Variants in ANK2 observed in about 807,000 individuals in gnomAD.
ANK2 encodes ankyrin-2.
A neutral mutation model predicts 360.5 loss-of-function variants in ANK2; 83 were observed. The observed-to-expected ratio is 0.23, with a 90% CI of 0.19 to 0.28. ANK2 has a LOEUF of 0.28. Ranked by LOEUF, ANK2 falls within the 10% of genes least tolerant of loss-of-function variation. The pLI is 1.00. For missense variants in ANK2, 4,201 were observed against 4,795.7 expected, an observed-to-expected ratio of 0.88 and a Z score of 3.66; for synonymous variants, 1,740 against 1,759.5, an observed-to-expected ratio of 0.99 and a Z score of 0.28.
chr4:113,106,834 C>T (rs747936203), intron 1 of ANK2: 3 of 519,038 alleles, frequency 5.8e-6, no homozygotes, highest in Non-Finnish European at 1.2e-5. Flanking sequence ...TTATTTTATT[C>T]CTGTAACTGG....
intron 29 of ANK2, among the ~76,000 whole-genome samples, chr4:113,335,404 C>T (rs2093386900): frequency 6.6e-6 from 1 of 152,156 alleles, no homozygotes. Flanking sequence ...TATGTTACTT[C>T]TTAAAACCAC....
the ANK2 span, among the ~76,000 whole-genome samples, chr4:112,790,755 G>C: frequency 6.6e-6 from 1 of 152,104 alleles, no homozygotes; most frequent in Non-Finnish European, 1.5e-5. Flanking sequence ...CCAAAGTGCT[G>C]GGATTACAGG....
chr4:112,975,779 A>G (rs750550892), intron 2 of ANK2, among the ~76,000 whole-genome samples: 3 of 152,200 alleles, frequency 2.0e-5, no homozygotes, highest in Non-Finnish European at 2.9e-5. Context: ...CCTCTGTATT[A>G]TGATGATCAG....
At chr4:113,079,134 G>T (rs2081300016) in intron 1 of ANK2, among the ~76,000 whole-genome samples, 1 of 152,234 alleles carries the variant, frequency 6.6e-6, no homozygotes, top group South Asian at 2.1e-4. Flanking sequence ...ATGTGACCTT[G>T]TCCATATATT....
At position 113,158,560 on chromosome 4, in the gene ANK2, G is replaced by A. The variant is rs140178682; in HGVS notation, c.85-15856G>A. 5.6e-3 allele frequency among the ~76,000 whole-genome samples: 846 copies of A among 152,284 alleles called. 7 individuals are homozygous for A. Among genetic ancestry groups the A allele is most frequent in the Non-Finnish European group, 9.7e-3 (660 of 68,028 alleles). On this transcript the variant is annotated intron_variant, in intron 1 of 45. Coordinates refer to ENST00000357077, the MANE Select transcript of ANK2 (RefSeq NM_001148.6). ...TCCAGCTGAAGGCAACTCTATCTTG[G>A]TGGAATGCCACAGGGTTTTAAGGTA...
the ANK2 span, among the ~76,000 whole-genome samples, chr4:112,761,499 A>C: frequency 6.6e-6 from 1 of 152,176 alleles, no homozygotes; most frequent in African/African-American, 2.4e-5. Context: ...ACGCGCCTGC[A>C]GTCCCAGCTG....
chr4:112,842,315 T>G (rs777696259), intron 1 of ANK2, among the ~76,000 whole-genome samples: 1 of 152,188 alleles, frequency 6.6e-6, no homozygotes, highest in Non-Finnish European at 1.5e-5. Context: ...CGGCCCAAAT[T>G]ATTTTCAATG....
chr4:112,776,141 G>T, the ANK2 span, among the ~76,000 whole-genome samples: 1 of 152,224 alleles, frequency 6.6e-6, no homozygotes, highest in East Asian at 1.9e-4. Flanking sequence ...AGTAGTGAGG[G>T]ATACTGTAAG....
intron 14 of ANK2, among the ~76,000 whole-genome samples, chr4:113,269,803 T>C (rs1206423953): frequency 2.0e-5 from 3 of 152,254 alleles, no homozygotes; most frequent in Admixed American, 1.3e-4. Flanking sequence ...AACTCCTTTC[T>C]AGACTTTCTT....
intron 1 of ANK2, among the ~76,000 whole-genome samples, chr4:113,053,697 G>A (rs914041369): frequency 6.6e-6 from 1 of 152,096 alleles, no homozygotes; most frequent in Non-Finnish European, 1.5e-5. Flanking sequence ...TGGCTCAAGC[G>A]ATCTTCCTGC....
chr4:113,167,064 T>C (rs960331326), intron 1 of ANK2, among the ~76,000 whole-genome samples: 1 of 152,202 alleles, frequency 6.6e-6, no homozygotes, highest in Non-Finnish European at 1.5e-5. Flanking sequence ...ACCATAAATA[T>C]ACAATACAAA....
chr4:113,308,364 A>G (rs942982578), intron 23 of ANK2, among the ~76,000 whole-genome samples: 5 of 152,232 alleles, frequency 3.3e-5, no homozygotes, highest in African/African-American at 1.2e-4. Flanking sequence ...TGAGATGCTT[A>G]TAGAAAATTT....
chr4:112,829,216 T>G (rs2059130142), intron 1 of ANK2, among the ~76,000 whole-genome samples: 1 of 151,996 alleles, frequency 6.6e-6, no homozygotes, highest in Non-Finnish European at 1.5e-5. Context: ...AATCCAATGT[T>G]TGTTTGTTGG....
At chr4:112,768,316 C>T in the ANK2 span, among the ~76,000 whole-genome samples, 1 of 151,996 alleles carries the variant, frequency 6.6e-6, no homozygotes, top group Non-Finnish European at 1.5e-5. Context: ...TGCAGTGGCA[C>T]TATCTTGGCT....
intron 42 of ANK2, among the ~76,000 whole-genome samples, chr4:113,368,968 T>G (rs917533503): frequency 6.6e-6 from 1 of 152,238 alleles, no homozygotes; most frequent in African/African-American, 2.4e-5. Context: ...AAAGTTACAT[T>G]GGAGTAACTC....
In ANK2 at chr4:113,054,060, C is replaced by T. The variant is rs374415285; in HGVS notation, c.84+4248C>T. ...ATTTACATAATTGGAAATGGGAATG[C>T]CCAAGCATCAATCACAGGTGACAGC... is the stretch of plus-strand genomic sequence containing the variant. On this transcript the variant is annotated intron_variant, in intron 1 of 45. Coordinates refer to ENST00000357077, the MANE Select transcript of ANK2 (RefSeq NM_001148.6). Among the ~76,000 whole-genome samples, 4 of 152,084 alleles carry T rather than the reference C, an allele frequency of 2.6e-5. No individual in the cohort carries two copies. The East Asian group carries it at 5.8e-4, about 22-fold the overall frequency.
intron 2 of ANK2, among the ~76,000 whole-genome samples, chr4:113,029,353 A>G (rs1400758163): frequency 6.6e-6 from 1 of 151,864 alleles, no homozygotes; most frequent in Non-Finnish European, 1.5e-5. Flanking sequence ...TCCTGCCTCA[A>G]CCTCCTGAGT....
chr4:113,068,072 G>C (rs80063353), intron 1 of ANK2, among the ~76,000 whole-genome samples: 1 of 152,250 alleles, frequency 6.6e-6, no homozygotes, highest in South Asian at 2.1e-4. Context: ...CCAAAACATA[G>C]CATCTCTCTC....
chr4:113,264,121 T>C (rs183408803), intron 13 of ANK2, among the ~76,000 whole-genome samples: 14 of 152,354 alleles, frequency 9.2e-5, no homozygotes, highest in African/African-American at 2.9e-4. Flanking sequence ...TAATTAAATA[T>C]GCTCATTAAT....
Sources: gnomAD v4.1 joint callset for allele counts (sites outside exome capture counted in the v4.1 genomes callset) on GRCh38, gnomAD v4.1.1 for gene constraint, MANE v1.5 for transcripts, NCBI Gene and HGNC (gene_info 2026-07-23, HGNC 2026-07-21) for gene names.